The following CCDC171 variants were observed in gnomAD, a reference collection of about 807,000 sequenced individuals.
The protein encoded by CCDC171 is coiled-coil domain containing 171.
Under a neutral mutation model 168.2 loss-of-function variants are expected in CCDC171, and 177 were observed. The ratio of observed to expected loss-of-function variants is 1.05; its 90% CI spans 0.93 to 1.19. The LOEUF (loss-of-function observed/expected upper bound fraction) is 1.19. Ranked by LOEUF, CCDC171 falls within the 50% of genes most tolerant of loss-of-function variation. CCDC171 has a pLI of 0.00. For missense variants in CCDC171, 1,991 were observed against 1,539.0 expected, an observed-to-expected ratio of 1.29 and a Z score of -4.91; for synonymous variants, 687 against 540.8, an observed-to-expected ratio of 1.27 and a Z score of -3.75.
intron 11 of CCDC171, among the ~76,000 whole-genome samples, chr9:15,713,715 G>T (rs1164791958): frequency 6.6e-6 from 1 of 151,976 alleles, no homozygotes; most frequent in Non-Finnish European, 1.5e-5. Context: ...CCACTCATAA[G>T]GACCTGTGAA....
intron 4 of CCDC171, among the ~76,000 whole-genome samples, chr9:15,590,833 C>CT (rs1554693022): frequency 1.5e-3 from 136 of 88,676 alleles, no homozygotes; most frequent in African/African-American, 5.0e-3. Context: ...TTCTTTCTTT[C>CT]TTCTTCTTTC....
intron 3 of CCDC171, among the ~76,000 whole-genome samples, chr9:15,575,148 A>C (rs1336882003): frequency 6.7e-6 from 1 of 148,258 alleles, no homozygotes; most frequent in Middle Eastern, 3.5e-3. Flanking sequence ...AAGGAGAGTG[A>C]CATAACTACT....
chr9:15,626,229 G>T (rs2045090725), intron 7 of CCDC171, among the ~76,000 whole-genome samples: 2 of 152,196 alleles, frequency 1.3e-5, no homozygotes, highest in South Asian at 4.1e-4. Flanking sequence ...AGACGATGGG[G>T]TTTTCTAAAT....
chr9:15,706,033 A>G (rs913345087), intron 11 of CCDC171, among the ~76,000 whole-genome samples: 1 of 152,218 alleles, frequency 6.6e-6, no homozygotes, highest in African/African-American at 2.4e-5. Flanking sequence ...ACAATCTTTC[A>G]TGGATCATAG....
chr9:15,778,844 T>G (rs2057494663), intron 19 of CCDC171, 124 bp from the exon 20 acceptor site: 1 of 637,962 alleles, frequency 1.6e-6, no homozygotes, highest in Non-Finnish European at 2.3e-6. Flanking sequence ...CACCTCTACA[T>G]TTCTGTAATA....
At chr9:15,946,910 A>G (rs935013503) in intron 25 of CCDC171, among the ~76,000 whole-genome samples, 62 of 152,138 alleles carry the variant, frequency 4.1e-4, no homozygotes, top group African/African-American at 1.5e-3. Flanking sequence ...ACGGGGAGAT[A>G]GCACTTTTAT....
intron 5 of CCDC171, among the ~76,000 whole-genome samples, chr9:15,591,955 C>T (rs181129879): frequency 3.3e-5 from 5 of 152,048 alleles, no homozygotes; most frequent in Admixed American, 2.0e-4. Flanking sequence ...GCTTCATTAT[C>T]TATGTAGAGC....
intron 6 of CCDC171, among the ~76,000 whole-genome samples, chr9:15,596,908 T>C (rs1473133255): frequency 1.3e-5 from 2 of 152,202 alleles, no homozygotes; most frequent in Non-Finnish European, 2.9e-5. Flanking sequence ...TTTGAAGCAA[T>C]TGTGAATGAG....
At chr9:15,957,969 G>A (rs1426568815) in intron 25 of CCDC171, among the ~76,000 whole-genome samples, 6 of 152,086 alleles carry the variant, frequency 3.9e-5, no homozygotes, top group African/African-American at 1.4e-4. Context: ...TTCGAAAGGA[G>A]GAATTGAAGA....
chr9:15,614,436 C>T (rs569043527), intron 6 of CCDC171, among the ~76,000 whole-genome samples: 10 of 152,316 alleles, frequency 6.6e-5, no homozygotes, highest in African/African-American at 1.9e-4. Context: ...TCTCACTATT[C>T]TTATTGAGAT....
intron 24 of CCDC171, chr9:15,874,871 C>A (rs1817643164): frequency 4.9e-6 from 2 of 406,396 alleles, no homozygotes; most frequent in South Asian, 1.1e-4. Flanking sequence ...TTAAAATAAT[C>A]CAGAAAAGTG....
intron 2 of CCDC171, among the ~76,000 whole-genome samples, chr9:15,566,465 A>G (rs2039736446): frequency 6.6e-6 from 1 of 152,202 alleles, no homozygotes; most frequent in South Asian, 2.1e-4. Flanking sequence ...AGGCTGAGGC[A>G]TGAGAATTGT....
At chr9:15,590,139 C>G (rs899973579) in intron 4 of CCDC171, among the ~76,000 whole-genome samples, 1 of 152,148 alleles carries the variant, frequency 6.6e-6, no homozygotes, top group Admixed American at 6.6e-5. Flanking sequence ...TGGCCTCAAA[C>G]TACTTTCCTG....
intron 24 of CCDC171, among the ~76,000 whole-genome samples, chr9:15,919,990 C>T (rs1160276078): frequency 6.6e-6 from 1 of 151,522 alleles, no homozygotes; most frequent in African/African-American, 2.4e-5. Flanking sequence ...AATAACTGTG[C>T]CATCTTTTAA....
chr9:15,583,353 AG>A (rs1415058693), intron 4 of CCDC171, among the ~76,000 whole-genome samples: 5 of 149,320 alleles, frequency 3.3e-5, no homozygotes, highest in African/African-American at 1.2e-4. Flanking sequence ...CAGAGGTTGC[AG>A]TGAGCCAAGA....
At chr9:15,620,796 CTTATT>C (rs2044441337) in intron 6 of CCDC171, among the ~76,000 whole-genome samples, 2 of 152,198 alleles carry the variant, frequency 1.3e-5, no homozygotes, top group African/African-American at 4.8e-5. Context: ...TCTTTGTTGC[CTTATT>C]TTAAGAAACT....
chr9:15,744,132 T>C (rs1358524959), intron 16 of CCDC171, 141 bp from the exon 17 acceptor site: 2 of 660,084 alleles, frequency 3.0e-6, no homozygotes, highest in African/African-American at 3.6e-5. Context: ...ATCTTATTTA[T>C]ATTTTGGATA....
chr9:15,942,692 G>C (rs1297767130), intron 25 of CCDC171, among the ~76,000 whole-genome samples: 2 of 151,852 alleles, frequency 1.3e-5, no homozygotes, highest in East Asian at 3.9e-4. Flanking sequence ...AGTGCTTTGG[G>C]ATATGTTTTT....
intron 25 of CCDC171, among the ~76,000 whole-genome samples, chr9:15,968,698 C>A (rs1371638206): frequency 6.6e-6 from 1 of 152,130 alleles, no homozygotes; most frequent in East Asian, 1.9e-4. Flanking sequence ...AGGCGCCCGC[C>A]CAACTGATTT....
Sources: gnomAD v4.1 joint callset for allele counts (sites outside exome capture counted in the v4.1 genomes callset) on GRCh38, gnomAD v4.1.1 for gene constraint, MANE v1.5 for transcripts, NCBI Gene and HGNC (gene_info 2026-07-23, HGNC 2026-07-21) for gene names.